RNLS: variants seen among roughly 807,000 people sequenced by gnomAD.
RNLS encodes the protein renalase, FAD dependent amine oxidase.
A neutral mutation model predicts 39.8 loss-of-function variants in RNLS; 39 were observed. The observed-to-expected ratio is 0.98, with a 90% confidence interval of 0.76 to 1.28. The LOEUF is 1.28. Among genes scored for constraint, RNLS ranks in the 50% most tolerant of loss-of-function variants. RNLS has a pLI of 0.00. For missense variants in RNLS, 410 were observed against 413.3 expected (o/e 0.99, Z 0.07); for synonymous variants, 147 against 150.7 (o/e 0.98, Z 0.18).
Position 88,309,367 on chromosome 10 carries a change from A to T in RNLS, c.876+5099T>A, listed in dbSNP as rs577467919. The stretch of plus-strand genomic sequence containing the variant: ...TCACCACCTGACTTTTCAATGCTGA[A>T]ATTAGACACTATTACTCACCAGAAA... On this transcript the variant is annotated intron_variant, in intron 6 of 6. Coordinates refer to ENST00000331772, the MANE Select transcript of RNLS (RefSeq NM_001031709.3). 1,160 of 1,259,990 alleles carry T rather than the reference A, an allele frequency of 9.2e-4. 1 individual carries two copies. The highest frequency in any genetic ancestry group is 1.2e-3 in the Non-Finnish European group (1,128 of 963,112). 78.1% of individuals were successfully genotyped at this position (1,259,990 alleles called of 1,614,324 possible). A position where few individuals can be genotyped will look rare whatever the true frequency, so the allele number is the denominator to read the frequency against.
In RNLS at chr10:88,285,468, A is replaced by G; in HGVS notation, c.915T>C (p.Thr305=). The change falls in exon 7 of 7, where the codon ACT becomes ACC. Residue 305 remains threonine (T), a synonymous_variant. Coordinates refer to ENST00000331772, the MANE Select transcript of RNLS (RefSeq NM_001031709.3). ...NAAANCPGQM[T]LHHKPFLACG... is the part of the protein sequence containing the mutation. Reference sequence around the variant, plus strand: ...ATGCAAGGAAAGGTTTGTGATGCAGAGTCATTTGGCCAGGACAGTTGGCAG... The same window carrying G: ...ATGCAAGGAAAGGTTTGTGATGCAGGGTCATTTGGCCAGGACAGTTGGCAG... The G allele has an allele frequency of 1.2e-6, 2 of 1,613,180 alleles. No individual in the cohort carries two copies. Among genetic ancestry groups the G allele is most frequent in the Non-Finnish European group, 1.7e-6 (2 of 1,179,406 alleles).
intron 4 of RNLS, among the ~76,000 whole-genome samples, chr10:88,568,443 T>C (rs900067178): frequency 1.3e-5 from 2 of 152,266 alleles, no homozygotes; most frequent in East Asian, 1.9e-4. Flanking sequence ...TAAAAACCAC[T>C]GAATTGTACA....
At chr10:88,373,600 T>G (rs963183015) in intron 4 of RNLS, among the ~76,000 whole-genome samples, 1 of 152,154 alleles carries the variant, frequency 6.6e-6, no homozygotes, top group African/African-American at 2.4e-5. Flanking sequence ...ACCATTTCTT[T>G]GCAAATTAGC....
intron 4 of RNLS, among the ~76,000 whole-genome samples, chr10:88,520,771 A>T (rs563002573): frequency 6.6e-6 from 1 of 152,154 alleles, no homozygotes; most frequent in South Asian, 2.1e-4. Context: ...ACAAACTTGG[A>T]AGAGTTGTAG....
chr10:88,384,416 TA>T (rs1851739783), intron 4 of RNLS, among the ~76,000 whole-genome samples: 2 of 152,200 alleles, frequency 1.3e-5, no homozygotes, highest in Admixed American at 1.3e-4. Context: ...TGAAAAAACT[TA>T]GGCTCAGAGA....
At chr10:88,465,524 G>A (rs1843156747) in intron 4 of RNLS, among the ~76,000 whole-genome samples, 1 of 152,018 alleles carries the variant, frequency 6.6e-6, no homozygotes, top group Admixed American at 6.6e-5. Context: ...GAGGAGAGAG[G>A]CAAGAGGATC....
intron 4 of RNLS, among the ~76,000 whole-genome samples, chr10:88,486,831 TATC>T (rs1436881220): frequency 2.6e-5 from 4 of 152,102 alleles, no homozygotes; most frequent in African/African-American, 7.2e-5. Flanking sequence ...AAAACAGAAA[TATC>T]ATTCAACCCA....
chr10:88,198,240 G>A, the RNLS span, among the ~76,000 whole-genome samples: 1,470 of 152,280 alleles, frequency 9.7e-3, 13 homozygotes, highest in Non-Finnish European at 0.017. Flanking sequence ...AGCCACCAAC[G>A]TGTAGAGACC....
At chr10:88,218,275 G>A in the RNLS span, among the ~76,000 whole-genome samples, 1 of 152,194 alleles carries the variant, frequency 6.6e-6, no homozygotes, top group Non-Finnish European at 1.5e-5. Context: ...GCTAAGTATG[G>A]CATATGAGAC....
At chr10:88,437,308 G>T (rs1013766172) in intron 4 of RNLS, among the ~76,000 whole-genome samples, 2 of 152,148 alleles carry the variant, frequency 1.3e-5, no homozygotes, top group African/African-American at 4.8e-5. Context: ...TTGCAGAAAA[G>T]ATATCAATAA....
the RNLS span, among the ~76,000 whole-genome samples, chr10:88,172,875 T>TTTTTTTTTA: frequency 7.7e-6 from 1 of 129,932 alleles, no homozygotes; most frequent in Non-Finnish European, 1.6e-5. Flanking sequence ...TTTTTTTTTT[T>TTTTTTTTTA]AGATGGAGTC....
intron 4 of RNLS, among the ~76,000 whole-genome samples, chr10:88,411,763 ATCTAAC>A (rs898524031): frequency 2.0e-5 from 3 of 152,136 alleles, no homozygotes; most frequent in African/African-American, 7.2e-5. Flanking sequence ...TCAGAGTGAG[ATCTAAC>A]TCTGTCTGTT....
intron 4 of RNLS, among the ~76,000 whole-genome samples, chr10:88,394,846 A>C (rs1465001293): frequency 6.6e-6 from 1 of 152,240 alleles, no homozygotes; most frequent in Non-Finnish European, 1.5e-5. Flanking sequence ...CATAAACACC[A>C]TGGAATACTA....
intron 4 of RNLS, among the ~76,000 whole-genome samples, chr10:88,495,456 CT>C (rs1285277318): frequency 6.6e-6 from 1 of 152,116 alleles, no homozygotes; most frequent in Non-Finnish European, 1.5e-5. Context: ...GTAGATTAAA[CT>C]TTGCAAGCTT....
intron 4 of RNLS, among the ~76,000 whole-genome samples, chr10:88,411,957 C>T (rs942508366): frequency 6.6e-6 from 1 of 151,862 alleles, no homozygotes; most frequent in Non-Finnish European, 1.5e-5. Context: ...TAGTAAAGGG[C>T]GAAGGAAGCT....
intron 4 of RNLS, among the ~76,000 whole-genome samples, chr10:88,548,445 G>A (rs890194740): frequency 1.5e-4 from 22 of 148,842 alleles, no homozygotes; most frequent in African/African-American, 3.7e-4. Flanking sequence ...TTCAAGACCC[G>A]CTGGCCAATA....
the RNLS span, among the ~76,000 whole-genome samples, chr10:88,223,859 A>G: frequency 2.3e-3 from 354 of 152,270 alleles, 1 homozygote; most frequent in Admixed American, 4.5e-3. Flanking sequence ...GCTTCAGCTG[A>G]TTAACATCGT....
chr10:88,395,235 T>C (rs1422734377), intron 4 of RNLS, among the ~76,000 whole-genome samples: 9 of 73,990 alleles, frequency 1.2e-4, no homozygotes, highest in African/African-American at 3.5e-4. Flanking sequence ...CTTTAAAAGA[T>C]GAAAAAAAAA....
At chr10:88,363,165 G>T (rs1849773222) in intron 4 of RNLS, among the ~76,000 whole-genome samples, 1 of 152,010 alleles carries the variant, frequency 6.6e-6, no homozygotes, top group Admixed American at 6.6e-5. Context: ...AGATGAGGAG[G>T]CTGATGCTCC....
Sources: gnomAD v4.1 joint callset for allele counts (sites outside exome capture counted in the v4.1 genomes callset) on GRCh38, gnomAD v4.1.1 for gene constraint, MANE v1.5 for transcripts, NCBI Gene and HGNC (gene_info 2026-07-23, HGNC 2026-07-21) for gene names.